Variants in MDGA2 observed in about 807,000 individuals in gnomAD.
MDGA2 encodes the protein MAM domain containing glycosylphosphatidylinositol anchor 2.
Under a neutral mutation model 117.8 loss-of-function variants are expected in MDGA2, and 40 were observed. The observed-to-expected ratio is 0.34, with a 90% CI of 0.26 to 0.44. The LOEUF is 0.44. MDGA2 is among the 20% of genes least tolerant of loss of function. The pLI is 1.00. For missense variants in MDGA2, 1,123 were observed against 1,250.6 expected, an observed-to-expected ratio of 0.90 and a Z score of 1.54; for synonymous variants, 452 against 439.0, an observed-to-expected ratio of 1.03 and a Z score of -0.37.
At chr14:47,193,556 G>A (rs1472655569) in intron 3 of MDGA2, among the ~76,000 whole-genome samples, 1 of 152,116 alleles carries the variant, frequency 6.6e-6, no homozygotes, top group Non-Finnish European at 1.5e-5. Context: ...AAGTTAAGAT[G>A]GGGAAGTCAT....
chr14:47,225,008 CA>C (rs948251552), intron 2 of MDGA2, among the ~76,000 whole-genome samples: 1 of 152,140 alleles, frequency 6.6e-6, no homozygotes, highest in African/African-American at 2.4e-5. Flanking sequence ...CAATATGTCA[CA>C]CTTATTTCTG....
chr14:47,455,879 C>G (rs1312181465), intron 1 of MDGA2, among the ~76,000 whole-genome samples: 1 of 151,924 alleles, frequency 6.6e-6, no homozygotes, highest in Non-Finnish European at 1.5e-5. Context: ...TGCCTGTAAT[C>G]CCAGTTACTC....
chr14:47,486,696 T>A (rs1894068650), intron 1 of MDGA2, among the ~76,000 whole-genome samples: 2 of 152,256 alleles, frequency 1.3e-5, no homozygotes, highest in South Asian at 4.2e-4. Context: ...GTTCTCATAA[T>A]AGCGAATGGG....
At chr14:47,251,533 G>A (rs545341903) in intron 2 of MDGA2, among the ~76,000 whole-genome samples, 3 of 152,154 alleles carry the variant, frequency 2.0e-5, no homozygotes, top group Admixed American at 6.5e-5. Context: ...CGAAGTATAC[G>A]TACTACATCC....
rs769500627 is a variant in MDGA2 at position 46,841,960 on chromosome 14, G to T, written c.3049C>A (p.Leu1017Ile). 1 of 1,611,996 alleles carries T rather than the reference G, an allele frequency of 6.2e-7. No individual in the cohort carries two copies. The highest frequency in any genetic ancestry group is 2.2e-5 in the East Asian group (1 of 44,774). Residue 1017 changes from leucine (L) to isoleucine (I), a missense_variant, in exon 17 of 17, where the codon CTC (leucine) becomes ATC (isoleucine). Around this residue, in one of 2 missense-constraint regions of MDGA2, gnomAD observed 890 missense variants for 1,050.3 expected, o/e 0.85. Coordinates refer to ENST00000399232, the MANE Select transcript of MDGA2 (RefSeq NM_001113498.3). Reference sequence around the variant, plus strand: ...CTTCGAGGACTTAAGATAGAGATGAGGACGATAATGGGAAAAAGCCATATA... The same window carrying T: ...CTTCGAGGACTTAAGATAGAGATGATGACGATAATGGGAAAAAGCCATATA... ...VHIWLFPIIV[L>I]ISILSPRR
intron 1 of MDGA2, among the ~76,000 whole-genome samples, chr14:47,362,520 C>T (rs1891147508): frequency 6.6e-6 from 1 of 152,026 alleles, no homozygotes; most frequent in South Asian, 2.1e-4. Context: ...CTATTTGCTG[C>T]GTTGGTTGCA....
intron 1 of MDGA2, among the ~76,000 whole-genome samples, chr14:47,468,593 G>A (rs1893651947): frequency 6.6e-6 from 1 of 152,072 alleles, no homozygotes; most frequent in South Asian, 2.1e-4. Flanking sequence ...CGAACACAAA[G>A]ATAGGCTGGA....
intron 12 of MDGA2, among the ~76,000 whole-genome samples, 186 bp from the exon 13 acceptor site, chr14:46,874,386 A>G (rs1444693300): frequency 6.6e-6 from 1 of 151,914 alleles, no homozygotes; most frequent in African/African-American, 2.4e-5. Context: ...ATGAAAAAGT[A>G]AAAGAATTTT....
At chr14:47,644,285 T>C (rs1240135956) in intron 1 of MDGA2, among the ~76,000 whole-genome samples, 1 of 152,144 alleles carries the variant, frequency 6.6e-6, no homozygotes, top group Non-Finnish European at 1.5e-5. Context: ...TTGGGCTCAA[T>C]GGAAACACAA....
At chr14:47,023,168 A>G (rs1888349434) in intron 8 of MDGA2, among the ~76,000 whole-genome samples, 1 of 149,752 alleles carries the variant, frequency 6.7e-6, no homozygotes, top group South Asian at 2.1e-4. Flanking sequence ...AGAATTTTCC[A>G]TCAATTGCAA....
In MDGA2 at chr14:47,674,910, G is replaced by T. The variant is rs1297153226; in HGVS notation, c.-114C>A. The T allele has an allele frequency of 1.7e-5, 9 of 536,640 alleles. No homozygotes were observed. In the East Asian group the frequency reaches 3.1e-4, roughly 18 times the overall value. 33.2% of individuals were successfully genotyped at this position (536,640 alleles called of 1,614,324 possible). A position where few individuals can be genotyped will look rare whatever the true frequency, so the allele number is the denominator to read the frequency against. Reference sequence around the variant, plus strand: ...GCCTGGGAAAATCGCAGACGCCGGGGAGGAGCAGGGGGCGGTGATGGGAAG... The same window carrying T: ...GCCTGGGAAAATCGCAGACGCCGGGTAGGAGCAGGGGGCGGTGATGGGAAG... On this transcript the variant is annotated 5_prime_UTR_variant, in exon 1 of 17. Transcript: ENST00000399232.
At chr14:47,457,812 G>GTTTTTTTTTTTTTTT (rs34337535) in intron 1 of MDGA2, among the ~76,000 whole-genome samples, 1 of 143,676 alleles carries the variant, frequency 7.0e-6, no homozygotes. Context: ...ATTTTTTTCT[G>GTTTTTTTTTTTTTTT]TTTTTTTTTT....
At chr14:47,465,653 T>A (rs752626856) in intron 1 of MDGA2, among the ~76,000 whole-genome samples, 4 of 152,158 alleles carry the variant, frequency 2.6e-5, no homozygotes, top group Non-Finnish European at 5.9e-5. Context: ...CCAGTCAGAA[T>A]GGCTATTATT....
chr14:47,665,714 C>T (rs1361909163), intron 1 of MDGA2, among the ~76,000 whole-genome samples: 1 of 152,138 alleles, frequency 6.6e-6, no homozygotes, highest in Non-Finnish European at 1.5e-5. Flanking sequence ...CCCAGCACTG[C>T]TGGCCCACCA....
intron 1 of MDGA2, among the ~76,000 whole-genome samples, chr14:47,611,098 T>C (rs768936452): frequency 6.6e-6 from 1 of 150,986 alleles, no homozygotes; most frequent in African/African-American, 2.4e-5. Context: ...AAAAAAAACA[T>C]AAAGTGGAAA....
At chr14:47,096,415 T>C (rs538342293) in intron 6 of MDGA2, among the ~76,000 whole-genome samples, 2 of 152,138 alleles carry the variant, frequency 1.3e-5, no homozygotes, top group African/African-American at 4.8e-5. Flanking sequence ...TAATGTTTGA[T>C]AGATCTCTAT....
intron 4 of MDGA2, 145 bp downstream of exon 4, chr14:47,143,933 C>G (rs937558752): frequency 8.2e-6 from 4 of 487,458 alleles, no homozygotes; most frequent in Admixed American, 4.1e-5. Context: ...TATTTAAGTT[C>G]TCTAATCTTT....
At chr14:47,671,296 G>T (rs1466976840) in intron 1 of MDGA2, among the ~76,000 whole-genome samples, 2 of 152,126 alleles carry the variant, frequency 1.3e-5, no homozygotes, top group Non-Finnish European at 2.9e-5. Context: ...ATTGCACAGG[G>T]TTGTCAAACA....
chr14:47,360,391 A>AAATAAATAAAT lies in MDGA2; in HGVS notation c.281-58842_281-58841insATTTATTTATT, dbSNP rs1555376188. Among the ~76,000 whole-genome samples, 164 of 122,984 alleles carry AAATAAATAAAT rather than the reference A, an allele frequency of 1.3e-3. 1 individual carries two copies. Among genetic ancestry groups the AAATAAATAAAT allele is most frequent in the Admixed American group, 2.7e-3 (32 of 11,734 alleles). The allele number at this position is 122,984 out of a possible 152,430, so 80.7% of individuals were successfully genotyped here. A position where few individuals can be genotyped will look rare whatever the true frequency, so the allele number is the denominator to read the frequency against. On this transcript the variant is annotated intron_variant, in intron 1 of 16. Coordinates refer to ENST00000399232, the MANE Select transcript of MDGA2 (RefSeq NM_001113498.3). ...TAAATAAATAAATAAATAAATAAAT[A>AAATAAATAAAT]AAATAAAATAAAAAATTAAAAGATG...
Sources: gnomAD v4.1 joint callset for allele counts (sites outside exome capture counted in the v4.1 genomes callset) on GRCh38, gnomAD v4.1.1 for gene constraint, gnomAD v4.1.1 regional missense constraint, MANE v1.5 for transcripts, NCBI Gene and HGNC (gene_info 2026-07-23, HGNC 2026-07-21) for gene names.